TMEM217: variants seen among roughly 807,000 people sequenced by gnomAD.
TMEM217 encodes the protein chromosome 6 open reading frame 128.
For missense variants in TMEM217, 204 were observed against 248.8 expected (o/e 0.82, Z 1.21); for synonymous variants, 76 against 88.3 (o/e 0.86, Z 0.78).
At chr6:37,252,923 A>G (rs1291157641) in intron 1 of TMEM217, among the ~76,000 whole-genome samples, 1 of 151,058 alleles carries the variant, frequency 6.6e-6, no homozygotes, top group Non-Finnish European at 1.5e-5. Context: ...TGCAGGTGTG[A>G]GCTACTGTTA....
At chr6:37,218,793 A>C in exon 2 of TMEM217, 1 of 1,614,240 alleles carries the variant, frequency 6.2e-7, no homozygotes, top group Non-Finnish European at 8.5e-7. Flanking sequence ...AGGAGGAAGC[A>C]GCTGATGAGG....
rs577149286 is a variant in TMEM217 at position 37,237,127 on chromosome 6, AG to A, written c.-11-18087del. On this transcript the variant is annotated intron_variant, in intron 1 of 1. Coordinates refer to ENST00000357219, the Ensembl canonical transcript of TMEM217. ...ACTATTCTTTAGAAGTGAGTCACCA[AG>A]GCCATATTCAAGGGGAGAGGAATTA... Among the ~76,000 whole-genome samples, 25 of 152,340 alleles carry A rather than the reference AG, an allele frequency of 1.6e-4. No homozygotes were observed. In the South Asian group the frequency reaches 5.2e-3, roughly 32 times the overall value.
At chr6:37,239,972 A>G (rs1007954599) in intron 1 of TMEM217, among the ~76,000 whole-genome samples, 12 of 151,862 alleles carry the variant, frequency 7.9e-5, no homozygotes, top group African/African-American at 2.7e-4. Flanking sequence ...CTAGAAATTT[A>G]TTTTCTTCTT....
At position 37,220,545 on chromosome 6, in the gene TMEM217, C is replaced by CTT. The variant is rs34796387; in HGVS notation, c.-11-1506_-11-1505dup. 6.4e-4 allele frequency among the ~76,000 whole-genome samples: 94 copies of CTT among 145,864 alleles called. 1 individual carries two copies. The South Asian group carries it at 7.2e-3, about 11-fold the overall frequency. On this transcript the variant is annotated intron_variant, in intron 1 of 1. Coordinates refer to ENST00000357219, the Ensembl canonical transcript of TMEM217. ...TTGAGACATTGTAATCATAGCTGGC[C>CTT]TTTTTTTTTTTGTAGATTTATAGCC...
At chr6:37,237,665 A>C (rs1411361736) in intron 1 of TMEM217, among the ~76,000 whole-genome samples, 1 of 152,244 alleles carries the variant, frequency 6.6e-6, no homozygotes, top group East Asian at 1.9e-4. Flanking sequence ...AAACTGCTAC[A>C]TATTTGCACA....
chr6:37,219,122 A>T (rs1763384707), intron 1 of TMEM217, 81 bp from the exon 2 acceptor site: 2 of 1,267,160 alleles, frequency 1.6e-6, no homozygotes, highest in Non-Finnish European at 2.2e-6. Context: ...TCCTTCCCCA[A>T]ATCTACTTTG....
Position 37,233,533 on chromosome 6 carries a change from C to G in TMEM217, c.-11-14492G>C, listed in dbSNP as rs112002443. Among the ~76,000 whole-genome samples the G allele has an allele frequency of 4.0e-3, 610 of 152,316 alleles. 4 individuals are homozygous for G. Among genetic ancestry groups the G allele is most frequent in the African/African-American group, 0.014 (564 of 41,564 alleles). The stretch of plus-strand genomic sequence containing the variant: ...AGGCAGCTCTCTGAATCCTCTTTTA[C>G]GAGGGCATTAATCTCATTCACAAAG... On this transcript the variant is annotated intron_variant, in intron 1 of 1. Transcript: ENST00000357219.
exon 1 of TMEM217, chr6:37,257,932 C>T: frequency 6.2e-7 from 1 of 1,614,076 alleles, no homozygotes; most frequent in South Asian, 1.1e-5. Context: ...CCGCTGAGAA[C>T]AGCAAGCAGT....
At chr6:37,247,576 T>C (rs984015313) in intron 1 of TMEM217, among the ~76,000 whole-genome samples, 2 of 151,968 alleles carry the variant, frequency 1.3e-5, no homozygotes, top group East Asian at 3.9e-4. Context: ...TTGGTAGAGA[T>C]GGGGTTTCAC....
chr6:37,231,901 T>C (rs904899616), intron 1 of TMEM217, among the ~76,000 whole-genome samples: 3 of 151,718 alleles, frequency 2.0e-5, no homozygotes, highest in Non-Finnish European at 4.4e-5. Context: ...TCTTCCTGAC[T>C]GTGTGGCTAA....
intron 1 of TMEM217, among the ~76,000 whole-genome samples, chr6:37,248,282 G>C (rs780187638): frequency 1.3e-5 from 2 of 152,094 alleles, no homozygotes; most frequent in South Asian, 4.1e-4. Flanking sequence ...GCTTAATATA[G>C]TTTAGTGCCA....
intron 1 of TMEM217, among the ~76,000 whole-genome samples, chr6:37,219,704 C>A (rs1332265600): frequency 6.6e-6 from 1 of 152,106 alleles, no homozygotes; most frequent in African/African-American, 2.4e-5. Context: ...TGCACTCCAT[C>A]CTGGGTGACA....
chr6:37,231,531 G>C (rs999155875), intron 1 of TMEM217, among the ~76,000 whole-genome samples: 1 of 150,556 alleles, frequency 6.6e-6, no homozygotes, highest in Non-Finnish European at 1.5e-5. Flanking sequence ...AAATTAGCCA[G>C]TCATGGTGGC....
intron 1 of TMEM217, among the ~76,000 whole-genome samples, chr6:37,230,972 T>G (rs1764171458): frequency 6.6e-6 from 1 of 152,142 alleles, no homozygotes; most frequent in Non-Finnish European, 1.5e-5. Flanking sequence ...TGTTGTTGTT[T>G]AAGTTAGGCT....
chr6:37,217,889 A>G, exon 2 of TMEM217: 2 of 985,854 alleles, frequency 2.0e-6, no homozygotes, highest in Non-Finnish European at 2.4e-6. Context: ...ATTTTGACCA[A>G]TCAGGTGGTA....
intron 1 of TMEM217, among the ~76,000 whole-genome samples, chr6:37,252,503 T>C (rs1765456640): frequency 6.6e-6 from 1 of 151,720 alleles, no homozygotes; most frequent in South Asian, 2.1e-4. Flanking sequence ...TGTATGCATA[T>C]ATATATGCAC....
At chr6:37,237,704 AAC>A (rs1764569703) in intron 1 of TMEM217, among the ~76,000 whole-genome samples, 1 of 152,214 alleles carries the variant, frequency 6.6e-6, no homozygotes, top group South Asian at 2.1e-4. Context: ...AGTCAAAAGG[AAC>A]AACTGTAGCA....
At chr6:37,240,916 A>G (rs1477645133) in intron 1 of TMEM217, among the ~76,000 whole-genome samples, 1 of 152,114 alleles carries the variant, frequency 6.6e-6, no homozygotes, top group African/African-American at 2.4e-5. Flanking sequence ...ACCTAGTAGT[A>G]GGTGAAAATA....
chr6:37,216,213 G>A (rs1260006948), downstream of TMEM217, among the ~76,000 whole-genome samples: 1 of 151,998 alleles, frequency 6.6e-6, no homozygotes, highest in African/African-American at 2.4e-5. Flanking sequence ...CGAGTAGCTG[G>A]GATTACAGGT....
Sources: allele counts gnomAD v4.1 joint callset (sites outside exome capture counted in the v4.1 genomes callset), GRCh38; gene constraint gnomAD v4.1.1; transcripts MANE v1.5; gene names NCBI Gene and HGNC (gene_info 2026-07-23, HGNC 2026-07-21).